The following PABPC4 variants were observed in gnomAD, a reference collection of about 807,000 sequenced individuals.
The protein encoded by PABPC4 is polyadenylate-binding protein 4.
A neutral mutation model predicts 74.5 loss-of-function variants in PABPC4; 15 were observed. That is an observed-to-expected ratio of 0.20 (90% CI 0.13 to 0.31). The LOEUF is 0.31. Among genes scored for constraint, PABPC4 ranks in the 10% least tolerant of loss-of-function variants. PABPC4 has a pLI of 1.00. For synonymous variants in PABPC4, 345 were observed against 303.0 expected (o/e 1.14, Z -1.44); for missense variants, 610 against 853.5 (o/e 0.71, Z 3.55).
At chr1:39,571,974 G>C (rs1248428095) in intron 2 of PABPC4, among the ~76,000 whole-genome samples, 1 of 152,234 alleles carries the variant, frequency 6.6e-6, no homozygotes, top group Non-Finnish European at 1.5e-5. Context: ...TTTCAGTGTA[G>C]TATGGCATTA....
chr1:39,562,356 C>T lies in PABPC4; in HGVS notation c.1729G>A (p.Ala577Thr). 1 of 1,614,096 alleles carries T rather than the reference C, an allele frequency of 6.2e-7. No individual in the cohort carries two copies. The highest frequency in any genetic ancestry group is 1.7e-5 in the Admixed American group (1 of 60,020). Residue 577 changes from alanine to threonine, a missense_variant, in exon 13 of 16, where the codon GCA becomes ACA. Coordinates refer to ENST00000372858, the MANE Select transcript of PABPC4 (RefSeq NM_001135653.2). ...TGCTTCTGTTCCTGGGGGGGTGCTG[C>T]AGCCAGCATGGAGGCAGTCAGTGGC... ...QEPLTASMLA[A>T]APPQEQKQML... is the part of the protein sequence containing the mutation.
Position 39,563,909 on chromosome 1 carries a change from C to T in PABPC4, c.1467G>A (p.Pro489=). The T allele has an allele frequency of 1.9e-6, 3 of 1,614,160 alleles. No individual in the cohort carries two copies. Among genetic ancestry groups the T allele is most frequent in the Non-Finnish European group, 2.5e-6 (3 of 1,180,024 alleles). The part of the protein sequence containing the change: ...TTTQRVGSEC[P]DRLAMDFGGA... ...CACCAAAGTCCATAGCCAAGCGGTCCGGGCACTCAGACCCTACAACAGACC... is the reference window on the plus strand; with the variant it reads ...CACCAAAGTCCATAGCCAAGCGGTCTGGGCACTCAGACCCTACAACAGACC... The change falls in exon 11 of 16, where the codon CCG becomes CCA. Residue 489 remains proline (P), a synonymous_variant. Transcript: ENST00000372858.
At chr1:39,564,905 T>C in intron 8 of PABPC4, 132 bp from the exon 9 acceptor site, 1 of 877,686 alleles carries the variant, frequency 1.1e-6, no homozygotes, top group Non-Finnish European at 1.8e-6. Flanking sequence ...AGCTGAGGGG[T>C]CAGCTAATGG....
intron 3 of PABPC4, 136 bp from the exon 4 acceptor site, chr1:39,570,138 G>A (rs530273213): frequency 2.4e-6 from 2 of 827,332 alleles, no homozygotes; most frequent in African/African-American, 1.7e-5. Context: ...AGGAGGCTCA[G>A]AGATACCCCA....
At chr1:39,563,781 G>T (rs376230983) in intron 11 of PABPC4, 40 bp from the exon 12 acceptor site, 1 of 1,613,758 alleles carries the variant, frequency 6.2e-7, no homozygotes, top group Admixed American at 1.7e-5. Context: ...CCATCAGTCT[G>T]GGCAAAGACC....
At chr1:39,563,584 C>A in intron 12 of PABPC4, 30 bp downstream of exon 12, 1 of 1,600,626 alleles carries the variant, frequency 6.2e-7, no homozygotes. Context: ...GGGGGAAATC[C>A]TTTTAAGCAT....
At position 39,568,833 on chromosome 1, in the gene PABPC4, T is replaced by G; in HGVS notation, c.845A>C (p.Gln282Pro). The change falls in exon 6 of 16, where the codon CAG becomes CCG. Residue 282 changes from glutamine (Q) to proline (P), a missense_variant. Physicochemically the swap from Gln to Pro is moderately conservative, Grantham distance 76 (BLOSUM62 -1). Coordinates refer to ENST00000372858, the MANE Select transcript of PABPC4 (RefSeq NM_001135653.2). ...RQAELKRKFE[Q>P]LKQERISRYQ... ...TCGACTAATTCTCTCCTGTTTCAACTGTTCAAATTTCCGTTTTAACTCTGC... is the reference window on the plus strand; with the variant it reads ...TCGACTAATTCTCTCCTGTTTCAACGGTTCAAATTTCCGTTTTAACTCTGC... 1 of 1,614,148 alleles carries G rather than the reference T, an allele frequency of 6.2e-7. No homozygotes were observed. The highest frequency in any genetic ancestry group is 8.5e-7 in the Non-Finnish European group (1 of 1,180,012).
intron 8 of PABPC4, 116 bp from the exon 9 acceptor site, chr1:39,564,889 T>C: frequency 2.1e-6 from 2 of 943,156 alleles, no homozygotes; most frequent in South Asian, 1.6e-5. Context: ...GTTCTTTCTA[T>C]TCAAGAGCTG....
chr1:39,572,814 G>A, intron 1 of PABPC4: 1 of 458,868 alleles, frequency 2.2e-6, no homozygotes, highest in Non-Finnish European at 3.9e-6. Context: ...CACCCTTCTG[G>A]GTCTGTGCCC....
In PABPC4 at chr1:39,563,884, C is replaced by T. The variant is rs777242194; in HGVS notation, c.1492G>A (p.Gly498Arg). 1.2e-6 allele frequency: 2 copies of T among 1,614,236 alleles called. No individual in the cohort carries two copies. The highest frequency in any genetic ancestry group is 1.3e-5 in the African/African-American group (1 of 75,070). Reference protein sequence around the residue: ...CPDRLAMDFGGAGAAQQGLTD... With the variant: ...CPDRLAMDFGRAGAAQQGLTD... ...AGCCCTTGCTGGGCGGCACCAGCCC[C>T]ACCAAAGTCCATAGCCAAGCGGTCC... is the stretch of plus-strand genomic sequence containing the variant. The change falls in exon 11 of 16, where the codon GGG becomes AGG. Residue 498 changes from glycine to arginine, a missense_variant. Around this residue, in one of 4 missense-constraint regions of PABPC4, gnomAD observed 277 missense variants for 301.8 expected, o/e 0.92. Coordinates refer to ENST00000372858, the MANE Select transcript of PABPC4 (RefSeq NM_001135653.2).
At chr1:39,566,188 A>C (rs1225727139) in intron 7 of PABPC4, among the ~76,000 whole-genome samples, 1 of 152,224 alleles carries the variant, frequency 6.6e-6, no homozygotes, top group Non-Finnish European at 1.5e-5. Flanking sequence ...TAACCACAAA[A>C]CATCTTGAGA....
intron 1 of PABPC4, chr1:39,573,059 G>A (rs1335198150): frequency 2.0e-5 from 3 of 153,036 alleles, no homozygotes; most frequent in Admixed American, 6.5e-5. Flanking sequence ...ACTAATACTA[G>A]ATTATCTGAT....
Position 39,563,770 on chromosome 1 carries a change from C to T in PABPC4, c.1541-29G>A, listed in dbSNP as rs754471705. ...AGGGAAAGAACAAATACAATTAAAG[C>T]CCATCAGTCTGGGCAAAGACCCGTC... On this transcript the variant is annotated intron_variant, in intron 11 of 15. Coordinates refer to ENST00000372858, the MANE Select transcript of PABPC4 (RefSeq NM_001135653.2). 10 of 1,613,692 alleles carry T rather than the reference C, an allele frequency of 6.2e-6. No homozygotes were observed. In the Admixed American group the frequency reaches 1.7e-4, roughly 27 times the overall value.
At chr1:39,565,502 G>A in intron 7 of PABPC4, 124 bp from the exon 8 acceptor site, 2 of 954,496 alleles carry the variant, frequency 2.1e-6, no homozygotes, top group Admixed American at 2.3e-5. Context: ...AGGAGGTTGA[G>A]ACCAGCTTGA....
intron 14 of PABPC4, 105 bp downstream of exon 14, chr1:39,561,968 C>T: frequency 7.3e-7 from 1 of 1,376,082 alleles, no homozygotes; most frequent in Admixed American, 1.9e-5. Flanking sequence ...CGAGAGGGGT[C>T]CTGGGGGCAG....
Position 39,576,485 on chromosome 1 carries a change from A to AGGGGCGG in PABPC4, c.-535_-534insCCGCCCC, listed in dbSNP as rs1553478902. On this transcript the variant is annotated 5_prime_UTR_variant, in exon 1 of 16. Transcript: ENST00000372858. ...GCACGGACACGTGGTGCGCCGGGGC[A>AGGGGCGG]GGCGCGGGGCGCGGGGCTCGGGGCC... 6.7e-6 allele frequency: 1 copy of AGGGGCGG among 149,682 alleles called. No individual in the cohort carries two copies. Among genetic ancestry groups the AGGGGCGG allele is most frequent in the African/African-American group, 2.5e-5 (1 of 40,746 alleles). The allele number at this position is 149,682 out of a possible 1,614,324, so 9.3% of individuals were successfully genotyped here.
rs776486327 is a variant in PABPC4, at chr1:39,564,707, G to A, written c.1312C>T (p.Gln438Ter). 6.2e-7 allele frequency: 1 copy of A among 1,614,066 alleles called. No homozygotes were observed. Residue 438 changes from glutamine (Q) to a stop codon, truncating the protein, a stop_gained, in exon 9 of 16, where the codon CAG (glutamine) becomes TAG (stop). Coordinates refer to ENST00000372858, the MANE Select transcript of PABPC4 (RefSeq NM_001135653.2). LOFTEE classifies it high-confidence loss of function. ...LAQMRPNPRW[Q>*]QGGRPQGFQG... is the part of the protein sequence containing the mutation. The stretch of plus-strand genomic sequence containing the variant: ...CTACCTTGAGGTCTCCCACCTTGCT[G>A]CCAGCGTGGATTAGGCCTCATCTGT...
intron 15 of PABPC4, 193 bp from the exon 16 acceptor site, chr1:39,561,315 A>G (rs1645766116): frequency 3.2e-5 from 11 of 341,728 alleles, no homozygotes. Flanking sequence ...CTTTACCACT[A>G]GATGACAAGG....
intron 2 of PABPC4, 164 bp from the exon 3 acceptor site, chr1:39,571,513 A>C: frequency 1.5e-6 from 1 of 676,130 alleles, no homozygotes; most frequent in South Asian, 1.8e-5. Context: ...CCAGGTGCCT[A>C]GTAAGTGTTC....
Sources: allele counts gnomAD v4.1 joint callset (sites outside exome capture counted in the v4.1 genomes callset), GRCh38; gene constraint gnomAD v4.1.1; regional missense constraint gnomAD v4.1.1; transcripts MANE v1.5; gene names NCBI Gene and HGNC (gene_info 2026-07-23, HGNC 2026-07-21).